SNX1: variants seen among roughly 807,000 people sequenced by gnomAD.
The protein encoded by SNX1 is sorting nexin 1.
Under a neutral mutation model 71.8 loss-of-function variants are expected in SNX1, and 36 were observed. That is an observed-to-expected ratio of 0.50 (90% CI 0.38 to 0.66). The LOEUF is 0.66. SNX1 is among the 30% of genes least tolerant of loss of function. The pLI is 0.00. For missense variants in SNX1, 612 were observed against 646.7 expected, an observed-to-expected ratio of 0.95 and a Z score of 0.58; for synonymous variants, 254 against 240.7, an observed-to-expected ratio of 1.06 and a Z score of -0.51.
chr15:64,131,075 G>A (rs1354156626), intron 10 of SNX1, among the ~76,000 whole-genome samples: 1 of 152,200 alleles, frequency 6.6e-6, no homozygotes, highest in African/African-American at 2.4e-5. Context: ...ACGAGGTCAG[G>A]AGTTCAAGGC....
intron 2 of SNX1, 96 bp downstream of exon 2, chr15:64,112,780 G>T (rs1394270913): frequency 2.9e-6 from 2 of 685,224 alleles, no homozygotes; most frequent in Admixed American, 3.0e-5. Context: ...AAAGTATTGG[G>T]AACATAACTT....
In SNX1 at chr15:64,140,407, G is replaced by A. The variant is rs2081401397; in HGVS notation, c.*2789G>A. On this transcript the variant is annotated 3_prime_UTR_variant, in exon 15 of 15. Coordinates refer to ENST00000559844, the MANE Select transcript of SNX1 (RefSeq NM_003099.5). ...TGTCCCAGATTTATAGCGGCCTCTT[G>A]TGTGTTTGTAGCTTGCTCCCATCAT... 1 of 152,154 alleles carries A rather than the reference G, an allele frequency of 6.6e-6. No homozygotes were observed. Among genetic ancestry groups the A allele is most frequent in the Admixed American group, 6.5e-5 (1 of 15,280 alleles). 9.4% of individuals were successfully genotyped at this position (152,154 alleles called of 1,614,324 possible).
chr15:64,134,605 C>T lies in SNX1; in HGVS notation c.1222-59C>T. 1 of 1,554,120 alleles carries T rather than the reference C, an allele frequency of 6.4e-7. No homozygotes were observed. Among genetic ancestry groups the T allele is most frequent in the Admixed American group, 1.8e-5 (1 of 55,188 alleles). Reference sequence around the variant, plus strand: ...GCTGCTGGGAGAGCCTGCCTCGAGGCAGAGCCAGCAGAGCTCTTGAAGAGC... The same window carrying T: ...GCTGCTGGGAGAGCCTGCCTCGAGGTAGAGCCAGCAGAGCTCTTGAAGAGC... On this transcript the variant is annotated intron_variant, in intron 11 of 14. Coordinates refer to ENST00000559844, the MANE Select transcript of SNX1 (RefSeq NM_003099.5). The surrounding 1 kb of genome is among the most constrained non-coding windows in gnomAD (Gnocchi z 4.1).
At chr15:64,132,266 C>T (rs998213812) in intron 11 of SNX1, 30 of 251,736 alleles carry the variant, frequency 1.2e-4, no homozygotes, top group African/African-American at 6.3e-4. Context: ...GTCCTTTGGT[C>T]TTTGCCTCCT....
At chr15:64,116,858 C>G (rs1175933904) in intron 2 of SNX1, among the ~76,000 whole-genome samples, 1 of 152,166 alleles carries the variant, frequency 6.6e-6, no homozygotes, top group Non-Finnish European at 1.5e-5. Context: ...CTCTGGAACA[C>G]TGAGGGAATG....
chr15:64,137,555 C>T lies in SNX1; in HGVS notation c.1519-13C>T. 1 of 1,614,114 alleles carries T rather than the reference C, an allele frequency of 6.2e-7. No individual in the cohort carries two copies. Among genetic ancestry groups the T allele is most frequent in the Non-Finnish European group, 8.5e-7 (1 of 1,179,978 alleles). ...GGTGGGGGCACTTGCTTAATGTCCC[C>T]ACTTCTTTGCAGCTGGCAAAGTACT... On this transcript the variant is annotated splice_polypyrimidine_tract_variant and intron_variant, in intron 14 of 14. Coordinates refer to ENST00000559844, the MANE Select transcript of SNX1 (RefSeq NM_003099.5).
At chr15:64,124,532 C>T (rs2081230732) in intron 5 of SNX1, among the ~76,000 whole-genome samples, 1 of 150,478 alleles carries the variant, frequency 6.6e-6, no homozygotes, top group Admixed American at 6.6e-5. Context: ...AAAATAGTAT[C>T]ATGCTGATAA....
rs768795457 is a variant in SNX1, at chr15:64,126,204, G to A, written c.636G>A (p.Pro212=). ...ATGGCTTCATTGTCCCTCCGCCCCC[G>A]GAGAAGAGCCTCATAGGTAAGCCTG... is the stretch of plus-strand genomic sequence containing the variant. The part of the protein sequence containing the change: ...SQNGFIVPPP[P]EKSLIGMTKV... The change falls in exon 6 of 15, where the codon CCG becomes CCA. Residue 212 remains proline, a synonymous_variant. Coordinates refer to ENST00000559844, the MANE Select transcript of SNX1 (RefSeq NM_003099.5). The A allele has an allele frequency of 4.2e-5, 67 of 1,613,662 alleles. No homozygotes were observed. In the Middle Eastern group the frequency reaches 6.6e-4, roughly 16 times the overall value.
At chr15:64,131,433 T>G (rs975075391) in intron 10 of SNX1, among the ~76,000 whole-genome samples, 4 of 152,230 alleles carry the variant, frequency 2.6e-5, no homozygotes, top group African/African-American at 9.7e-5. Context: ...ATATTGGAGC[T>G]GCTTCCTTCA....
At chr15:64,123,222 G>C (rs1489780556) in intron 4 of SNX1, among the ~76,000 whole-genome samples, 1 of 152,206 alleles carries the variant, frequency 6.6e-6, no homozygotes, top group Non-Finnish European at 1.5e-5. Context: ...TTTGTGGAGG[G>C]TATAAATGGA....
At chr15:64,137,258 G>A (rs985340847) in intron 14 of SNX1, among the ~76,000 whole-genome samples, 4 of 152,234 alleles carry the variant, frequency 2.6e-5, no homozygotes, top group Admixed American at 6.5e-5. Context: ...TCATCGGTAT[G>A]TGAAACAGTG....
chr15:64,101,768 G>T (rs2080964387), intron 1 of SNX1, among the ~76,000 whole-genome samples: 1 of 152,110 alleles, frequency 6.6e-6, no homozygotes, highest in South Asian at 2.1e-4. Flanking sequence ...CCAACCTCTG[G>T]TAACAGATAC....
Position 64,137,918 on chromosome 15 carries a change from G to A in SNX1, c.*300G>A, listed in dbSNP as rs772528401. Reference sequence around the variant, plus strand: ...TATAAATACAAATGTATATTTTTCAGGATGTGGTTTAGGAACTGGGAATAA... The same window carrying A: ...TATAAATACAAATGTATATTTTTCAAGATGTGGTTTAGGAACTGGGAATAA... On this transcript the variant is annotated 3_prime_UTR_variant, in exon 15 of 15. Transcript: ENST00000559844. The A allele has an allele frequency of 7.1e-7, 1 of 1,405,498 alleles. No homozygotes were observed. Among genetic ancestry groups the A allele is most frequent in the Non-Finnish European group, 9.2e-7 (1 of 1,086,322 alleles). 87.1% of individuals were successfully genotyped at this position (1,405,498 alleles called of 1,614,324 possible). A position where few individuals can be genotyped will look rare whatever the true frequency, so the allele number is the denominator to read the frequency against.
At chr15:64,113,078 G>A (rs2081093731) in intron 2 of SNX1, among the ~76,000 whole-genome samples, 2 of 152,288 alleles carry the variant, frequency 1.3e-5, no homozygotes, top group Admixed American at 1.3e-4. Context: ...GTGCATACTG[G>A]TACAAAACAG....
At chr15:64,127,100 A>T in intron 6 of SNX1, 74 bp from the exon 7 acceptor site, 1 of 1,163,418 alleles carries the variant, frequency 8.6e-7, no homozygotes, top group Non-Finnish European at 1.3e-6. Flanking sequence ...CCTCCTGTTG[A>T]CACTTAAAAA....
At chr15:64,131,551 G>A in intron 10 of SNX1, 136 bp from the exon 11 acceptor site, 1 of 723,554 alleles carries the variant, frequency 1.4e-6, no homozygotes. Context: ...TGTGGTGTAA[G>A]TGACTGGGTT....
rs1455422932 is a variant in SNX1 at position 64,141,033 on chromosome 15, T to TGGATG, written c.*3415_*3416insGGATG. ...GATAGATAGATAGATAGATGATAGA[T>TGGATG]ATAGATAGATAGATAGATTGATTGA... On this transcript the variant is annotated 3_prime_UTR_variant, in exon 15 of 15. Coordinates refer to ENST00000559844, the MANE Select transcript of SNX1 (RefSeq NM_003099.5). This position sits in a 1 kb window ranked among gnomAD's most constrained non-coding sequence, Gnocchi z 5.1. 2 of 116,558 alleles carry TGGATG rather than the reference T, an allele frequency of 1.7e-5. No individual in the cohort carries two copies. The highest frequency in any genetic ancestry group is 7.3e-5 in the African/African-American group (2 of 27,416). 7.2% of individuals were successfully genotyped at this position (116,558 alleles called of 1,614,324 possible).
rs768534030 is a variant in SNX1, at chr15:64,136,841, T to C, written c.1447-20T>C. 1 of 1,602,556 alleles carries C rather than the reference T, an allele frequency of 6.2e-7. No homozygotes were observed. Among genetic ancestry groups the C allele is most frequent in the South Asian group, 1.1e-5 (1 of 90,756 alleles). ...GGGAAAGCAAAAACTGGATGGTCAG[T>C]GTAGAATCTTGTCTCCTAGAAAGAG... On this transcript the variant is annotated intron_variant, in intron 13 of 14. Coordinates refer to ENST00000559844, the MANE Select transcript of SNX1 (RefSeq NM_003099.5).
chr15:64,109,354 AAG>A (rs2140137298), intron 1 of SNX1, among the ~76,000 whole-genome samples: 2 of 152,316 alleles, frequency 1.3e-5, no homozygotes, highest in East Asian at 3.9e-4. Flanking sequence ...AAGAAAAAAA[AAG>A]AAAAAGAAAA....
Sources: gnomAD v4.1 joint callset for allele counts (sites outside exome capture counted in the v4.1 genomes callset) on GRCh38, gnomAD v4.1.1 for gene constraint, Gnocchi (gnomAD v3.1) non-coding constraint, MANE v1.5 for transcripts, NCBI Gene and HGNC (gene_info 2026-07-23, HGNC 2026-07-21) for gene names.